The following ACVR1 variants were observed in gnomAD, a reference collection of about 807,000 sequenced individuals.
The protein encoded by ACVR1 is activin A receptor type 1, also known as activin receptor type-1.
ACVR1 carries 38 observed loss-of-function variants against 57.1 expected under a neutral mutation model. That is an observed-to-expected ratio of 0.67 (90% CI 0.51 to 0.87). The LOEUF (loss-of-function observed/expected upper bound fraction) is 0.87, where lower values mean the gene tolerates loss of function less well. Among genes scored for constraint, ACVR1 ranks in the 40% least tolerant of loss-of-function variants. The pLI is 0.00. For synonymous variants in ACVR1, 212 were observed against 228.1 expected (o/e 0.93, Z 0.63); for missense variants, 463 against 638.2 (o/e 0.73, Z 2.96).
At chr2:157,811,791 C>A (rs1042688965) in intron 2 of ACVR1, among the ~76,000 whole-genome samples, 14 of 150,112 alleles carry the variant, frequency 9.3e-5, no homozygotes, top group Admixed American at 7.9e-4. Context: ...CACCCTCCAA[C>A]AACAACAACA....
At chr2:157,740,716 A>C (rs1469064344) in intron 9 of ACVR1, among the ~76,000 whole-genome samples, 1 of 152,246 alleles carries the variant, frequency 6.6e-6, no homozygotes. Context: ...GATTTTTAAA[A>C]CATGAGATCT....
chr2:157,843,130 C>T (rs927133954), intron 1 of ACVR1, among the ~76,000 whole-genome samples: 2 of 152,174 alleles, frequency 1.3e-5, no homozygotes, highest in African/African-American at 2.4e-5. Flanking sequence ...ATGATAAATG[C>T]TTCAGATCAG....
At chr2:157,875,567 A>AC (rs1444690059) in intron 1 of ACVR1, 1 of 47,348 alleles carries the variant, frequency 2.1e-5, no homozygotes, top group East Asian at 6.7e-4. Context: ...CTGCCCCCCC[A>AC]CCCCCCATAT....
chr2:157,822,372 G>T (rs1192369201), intron 1 of ACVR1, among the ~76,000 whole-genome samples: 1 of 152,134 alleles, frequency 6.6e-6, no homozygotes, highest in Non-Finnish European at 1.5e-5. Flanking sequence ...TTCTATAACT[G>T]TGTTAACCAC....
intron 1 of ACVR1, among the ~76,000 whole-genome samples, chr2:157,828,311 A>C (rs1466847484): frequency 6.6e-6 from 1 of 152,102 alleles, no homozygotes; most frequent in Non-Finnish European, 1.5e-5. Flanking sequence ...TTAGCCAAGC[A>C]TGATGGCGGA....
chr2:157,865,124 A>C (rs1394190083), intron 1 of ACVR1, among the ~76,000 whole-genome samples: 2 of 152,022 alleles, frequency 1.3e-5, no homozygotes, highest in Non-Finnish European at 2.9e-5. Flanking sequence ...AAAAATCATA[A>C]AGCTCCATTT....
At chr2:157,821,915 T>C (rs1235991981) in intron 1 of ACVR1, among the ~76,000 whole-genome samples, 2 of 152,008 alleles carry the variant, frequency 1.3e-5, no homozygotes, top group East Asian at 1.9e-4. Flanking sequence ...CAGGCAAGCA[T>C]AAAAAGCACT....
At chr2:157,835,527 T>C (rs1688753007) in intron 1 of ACVR1, among the ~76,000 whole-genome samples, 1 of 152,208 alleles carries the variant, frequency 6.6e-6, no homozygotes, top group Non-Finnish European at 1.5e-5. Flanking sequence ...TAATAGTATA[T>C]TTTACTAACT....
At chr2:157,827,332 G>C (rs1688419565) in intron 1 of ACVR1, among the ~76,000 whole-genome samples, 1 of 151,734 alleles carries the variant, frequency 6.6e-6, no homozygotes. Flanking sequence ...AAGGTAACAA[G>C]CAAAAAAACA....
chr2:157,766,295 C>G, intron 7 of ACVR1, 99 bp from the exon 8 acceptor site: 1 of 1,277,536 alleles, frequency 7.8e-7, no homozygotes, highest in Non-Finnish European at 1.1e-6. Context: ...TCATCTGTAA[C>G]AAAAAGTAAT....
At chr2:157,833,992 T>A (rs976432751) in intron 1 of ACVR1, among the ~76,000 whole-genome samples, 3 of 152,222 alleles carry the variant, frequency 2.0e-5, no homozygotes, top group African/African-American at 7.2e-5. Flanking sequence ...TAACCAAATT[T>A]AGACTGGTTT....
chr2:157,827,359 A>G (rs1688421201), intron 1 of ACVR1, among the ~76,000 whole-genome samples: 3 of 152,218 alleles, frequency 2.0e-5, no homozygotes, highest in African/African-American at 7.2e-5. Context: ...AACAAAATCC[A>G]ATAAAGTTAG....
At chr2:157,765,848 G>C (rs977106113) in intron 8 of ACVR1, 73 bp downstream of exon 8, 2 of 1,490,080 alleles carry the variant, frequency 1.3e-6, no homozygotes, top group African/African-American at 1.4e-5. Flanking sequence ...TGTTGTGGGG[G>C]AGAGATGCAA....
chr2:157,855,274 GTGTGTGT>G, intron 1 of ACVR1, among the ~76,000 whole-genome samples: 1 of 34,888 alleles, frequency 2.9e-5, no homozygotes, highest in African/African-American at 1.5e-4. Context: ...AAAAAAGTGT[GTGTGTGT>G]GTGTGTGTGT....
At chr2:157,859,400 C>A (rs1199200749) in intron 1 of ACVR1, among the ~76,000 whole-genome samples, 1 of 152,160 alleles carries the variant, frequency 6.6e-6, no homozygotes, top group African/African-American at 2.4e-5. Flanking sequence ...CGGAAATAAC[C>A]ACAAAAATGG....
At chr2:157,824,008 G>C (rs761153955) in intron 1 of ACVR1, among the ~76,000 whole-genome samples, 16 of 152,262 alleles carry the variant, frequency 1.1e-4, no homozygotes, top group South Asian at 6.2e-4. Flanking sequence ...GAGCTGCCAC[G>C]TATGAAGTAC....
chr2:157,839,425 A>C (rs1247821825), intron 1 of ACVR1, among the ~76,000 whole-genome samples: 3 of 152,192 alleles, frequency 2.0e-5, no homozygotes, highest in African/African-American at 7.2e-5. Flanking sequence ...ATGCTGCTCC[A>C]AGCTTGAAGC....
At chr2:157,767,663 A>G (rs1001213512) in intron 7 of ACVR1, among the ~76,000 whole-genome samples, 1 of 152,176 alleles carries the variant, frequency 6.6e-6, no homozygotes, top group Non-Finnish European at 1.5e-5. Context: ...TCACTTTCAC[A>G]TATATTTTCT....
At chr2:157,742,384 G>A (rs1684806861) in intron 9 of ACVR1, among the ~76,000 whole-genome samples, 1 of 152,206 alleles carries the variant, frequency 6.6e-6, no homozygotes, top group Non-Finnish European at 1.5e-5. Context: ...GCTCTTAAAT[G>A]GTGGCCAGGG....
Sources: gnomAD v4.1 joint callset for allele counts (sites outside exome capture counted in the v4.1 genomes callset) on GRCh38, gnomAD v4.1.1 for gene constraint, MANE v1.5 for transcripts, NCBI Gene and HGNC (gene_info 2026-07-23, HGNC 2026-07-21) for gene names.